The following UPP2 variants were observed in gnomAD, a reference collection of about 807,000 sequenced individuals.
UPP2 encodes UPase 2.
UPP2 carries 23 observed loss-of-function variants against 26.7 expected under a neutral mutation model. The ratio of observed to expected loss-of-function variants is 0.86; its 90% CI spans 0.62 to 1.22. The LOEUF (loss-of-function observed/expected upper bound fraction) is 1.22. UPP2 is among the 50% of genes most tolerant of loss of function. The pLI is 0.00. For synonymous variants in UPP2, 127 were observed against 141.3 expected, an observed-to-expected ratio of 0.90 and a Z score of 0.72; for missense variants, 387 against 396.7, an observed-to-expected ratio of 0.98 and a Z score of 0.21.
intron 6 of UPP2, among the ~76,000 whole-genome samples, chr2:158,125,128 T>G (rs758702227): frequency 5.3e-5 from 8 of 152,158 alleles, no homozygotes; most frequent in Non-Finnish European, 1.0e-4. Flanking sequence ...CATCCTGATA[T>G]GCAAAGAGGA....
intron 3 of UPP2, among the ~76,000 whole-genome samples, chr2:158,091,983 G>C (rs1387128079): frequency 3.4e-5 from 5 of 148,958 alleles, no homozygotes; most frequent in Admixed American, 3.3e-4. Context: ...AATAATTGAG[G>C]ACATTACTGC....
intron 2 of UPP2, among the ~76,000 whole-genome samples, chr2:157,998,427 TG>T (rs1191411920): frequency 5.9e-5 from 9 of 152,198 alleles, no homozygotes; most frequent in Non-Finnish European, 1.2e-4. Context: ...GAAATGACTG[TG>T]GGGGATGTTG....
rs76116421 is a variant in UPP2, at chr2:158,014,474, G to A, written c.62-1327G>A. Among the ~76,000 whole-genome samples the A allele has an allele frequency of 2.0e-3, 297 of 152,266 alleles. 2 individuals are homozygous for A. The highest frequency in any genetic ancestry group is 2.8e-3 in the Non-Finnish European group (192 of 68,020). ...AGCTAAAGCCACAATTTCCTTAATA[G>A]TTTTCCAATAGCACTCCATCTCTTA... On this transcript the variant is annotated intron_variant, in intron 2 of 9. Coordinates refer to the UPP2 transcript ENST00000605860.
intron 3 of UPP2, among the ~76,000 whole-genome samples, chr2:158,076,461 G>A (rs1682631474): frequency 6.6e-6 from 1 of 151,974 alleles, no homozygotes; most frequent in Non-Finnish European, 1.5e-5. Context: ...ACAGTTAAAA[G>A]ACTGTTCATC....
intron 3 of UPP2, among the ~76,000 whole-genome samples, chr2:158,054,385 G>T (rs1044521900): frequency 7.2e-5 from 10 of 139,048 alleles, no homozygotes; most frequent in South Asian, 2.2e-4. Flanking sequence ...TTATTTTGAG[G>T]TTTTTTTTTT....
chr2:158,105,470 T>C (rs181263830), intron 1 of UPP2, among the ~76,000 whole-genome samples: 1 of 152,188 alleles, frequency 6.6e-6, no homozygotes, highest in Non-Finnish European at 1.5e-5. Context: ...TCAGGACCAA[T>C]GAGGAGCTTG....
At chr2:158,120,026 A>T (rs1487801152) in intron 4 of UPP2, among the ~76,000 whole-genome samples, 1 of 151,482 alleles carries the variant, frequency 6.6e-6, no homozygotes, top group African/African-American at 2.4e-5. Context: ...AAAAAAATAA[A>T]AATAAAAATA....
chr2:158,084,162 C>T (rs1367347798), intron 3 of UPP2, among the ~76,000 whole-genome samples: 1 of 151,948 alleles, frequency 6.6e-6, no homozygotes, highest in Non-Finnish European at 1.5e-5. Context: ...CACATCCATG[C>T]CAACATTTAT....
At chr2:158,022,202 G>A (rs894993463) in intron 3 of UPP2, among the ~76,000 whole-genome samples, 2 of 152,170 alleles carry the variant, frequency 1.3e-5, no homozygotes, top group Non-Finnish European at 2.9e-5. Flanking sequence ...GCTCATGCCT[G>A]TAATCCCAGC....
intron 3 of UPP2, among the ~76,000 whole-genome samples, chr2:158,077,053 AG>A (rs1429818547): frequency 6.6e-6 from 1 of 152,086 alleles, no homozygotes; most frequent in African/African-American, 2.4e-5. Flanking sequence ...GAAACAAAAA[AG>A]TAATCTTATT....
At chr2:158,082,376 C>G (rs1682741252) in intron 3 of UPP2, among the ~76,000 whole-genome samples, 1 of 152,164 alleles carries the variant, frequency 6.6e-6, no homozygotes, top group Non-Finnish European at 1.5e-5. Flanking sequence ...TTCCCTAAGT[C>G]CCTAAAGTCC....
At chr2:158,036,916 C>T (rs1684010213) in intron 3 of UPP2, among the ~76,000 whole-genome samples, 1 of 152,150 alleles carries the variant, frequency 6.6e-6, no homozygotes. Context: ...CTGTATGTTC[C>T]TTAAAAGAAA....
intron 3 of UPP2, among the ~76,000 whole-genome samples, chr2:158,027,330 G>A (rs1205073278): frequency 6.6e-6 from 1 of 152,146 alleles, no homozygotes; most frequent in Non-Finnish European, 1.5e-5. Context: ...CCAAATGGAA[G>A]CAATTGGACA....
At chr2:158,013,728 C>T (rs1216804962) in intron 2 of UPP2, among the ~76,000 whole-genome samples, 1 of 152,120 alleles carries the variant, frequency 6.6e-6, no homozygotes, top group Non-Finnish European at 1.5e-5. Flanking sequence ...GGGCGAGGCA[C>T]CTTTACATAT....
chr2:158,005,827 C>T (rs569847126), intron 2 of UPP2, among the ~76,000 whole-genome samples: 32 of 152,252 alleles, frequency 2.1e-4, no homozygotes, highest in African/African-American at 7.5e-4. Context: ...CCCCCGAAGG[C>T]CTCTCCATGG....
chr2:158,091,026 G>A lies in UPP2; in HGVS notation c.148-11014G>A, dbSNP rs373444622. The stretch of plus-strand genomic sequence containing the variant: ...CAAAGAAAGTTTGTCTCTGTGGCAC[G>A]TGGGTACAAAAACAGTCTCCAGTGA... On this transcript the variant is annotated intron_variant, in intron 3 of 9. Coordinates refer to the UPP2 transcript ENST00000605860. Among the ~76,000 whole-genome samples, 13 of 152,318 alleles carry A rather than the reference G, an allele frequency of 8.5e-5. No homozygotes were observed. In the East Asian group the frequency reaches 9.6e-4, roughly 11 times the overall value.
chr2:158,015,820 A>C (rs1358429907), exon 3 of UPP2: 1 of 453,298 alleles, frequency 2.2e-6, no homozygotes, highest in South Asian at 1.6e-5. Flanking sequence ...CTTCCCCTTC[A>C]ACTTCCACCA....
chr2:158,104,836 C>T lies in UPP2; in HGVS notation c.63-1263C>T, dbSNP rs187021103. Among the ~76,000 whole-genome samples, 38 of 151,096 alleles carry T rather than the reference C, an allele frequency of 2.5e-4. 1 individual carries two copies. The highest frequency in any genetic ancestry group is 2.0e-3 in the East Asian group (10 of 5,074). On this transcript the variant is annotated intron_variant, in intron 1 of 6. Transcript: ENST00000005756. ...ACTCAGCAGGCTGAGGCAGGAGAAT[C>T]GCTTGAACCAGGAGGCGGAGGTTGC... is the stretch of plus-strand genomic sequence containing the variant.
intron 3 of UPP2, among the ~76,000 whole-genome samples, chr2:158,050,893 T>A (rs371095213): frequency 2.0e-5 from 3 of 152,180 alleles, no homozygotes; most frequent in East Asian, 3.9e-4. Flanking sequence ...CAATAATAAT[T>A]GGACATTTAA....
Sources: allele counts gnomAD v4.1 joint callset (sites outside exome capture counted in the v4.1 genomes callset), GRCh38; gene constraint gnomAD v4.1.1; transcripts MANE v1.5; gene names NCBI Gene and HGNC (gene_info 2026-07-23, HGNC 2026-07-21).